CAMKK1: variants seen among roughly 807,000 people sequenced by gnomAD.
CAMKK1 encodes calcium/calmodulin-dependent protein kinase kinase 1.
CAMKK1 carries 20 observed loss-of-function variants against 63.5 expected under a neutral mutation model. The ratio of observed to expected loss-of-function variants is 0.32; its 90% CI spans 0.22 to 0.46. The LOEUF (loss-of-function observed/expected upper bound fraction) is 0.46. Among genes scored for constraint, CAMKK1 ranks in the 20% least tolerant of loss-of-function variants. The pLI, the probability that CAMKK1 is intolerant of heterozygous loss-of-function variation, is 1.00. For missense variants in CAMKK1, 588 were observed against 658.1 expected (o/e 0.89, Z 1.17); for synonymous variants, 253 against 269.0 (o/e 0.94, Z 0.58).
chr17:3,880,558 T>C, intron 8 of CAMKK1, 124 bp from the exon 9 acceptor site: 1 of 664,072 alleles, frequency 1.5e-6, no homozygotes, highest in Non-Finnish European at 2.7e-6. Context: ...TATTAGCTTT[T>C]TCTGCTACAT....
At chr17:3,873,027 C>T (rs756174864) in intron 11 of CAMKK1, among the ~76,000 whole-genome samples, 43 of 152,332 alleles carry the variant, frequency 2.8e-4, no homozygotes, top group Middle Eastern at 3.4e-3. Context: ...GATACGTCAG[C>T]GTTGGGTGTC....
intron 9 of CAMKK1, 166 bp downstream of exon 9, chr17:3,880,180 A>G (rs1013393920): frequency 3.6e-6 from 2 of 558,808 alleles, no homozygotes; most frequent in Admixed American, 2.9e-5. Context: ...CCCACCCCAC[A>G]AAAAGGCCTT....
chr17:3,868,182 A>C (rs559205104), intron 14 of CAMKK1, among the ~76,000 whole-genome samples: 6 of 3,462 alleles, frequency 1.7e-3, no homozygotes, highest in East Asian at 0.028. Flanking sequence ...CTGGGGGAGA[A>C]GCAGGCGCCG....
chr17:3,891,822 G>T (rs538374219), intron 1 of CAMKK1, among the ~76,000 whole-genome samples: 6 of 152,144 alleles, frequency 3.9e-5, no homozygotes, highest in Non-Finnish European at 8.8e-5. Flanking sequence ...TGGTTTGGGG[G>T]TGGGGAGAGC....
chr17:3,869,844 A>G lies in CAMKK1; in HGVS notation c.1169T>C (p.Leu390Ser). The change falls in exon 13 of 16, where the codon TTA becomes TCA. Residue 390 changes from leucine to serine, a missense_variant. By Grantham distance (145) the Leu-to-Ser change is moderately radical (BLOSUM62 -2). This residue lies in a region of CAMKK1 where 226 missense variants were observed against 229.2 expected (regional missense o/e 0.99). Coordinates refer to ENST00000348335, the MANE Select transcript of CAMKK1 (RefSeq NM_032294.3). Reference protein sequence around the residue: ...EELKDLILKMLDKNPETRIGV... With the variant: ...EELKDLILKMSDKNPETRIGV... ...AATTCTCGTCTCGGGATTCTTGTCT[A>G]ACATCTTCAGGATCAGGTCCTTGAG... 6.2e-7 allele frequency: 1 copy of G among 1,614,200 alleles called. No individual in the cohort carries two copies. Among genetic ancestry groups the G allele is most frequent in the Non-Finnish European group, 8.5e-7 (1 of 1,180,038 alleles).
rs2055477561 is a variant in CAMKK1, at chr17:3,882,913, C to T, written c.648+129G>A. 2 of 1,253,704 alleles carry T rather than the reference C, an allele frequency of 1.6e-6. No homozygotes were observed. Among genetic ancestry groups the T allele is most frequent in the Admixed American group, 2.2e-5 (1 of 45,166 alleles). 77.7% of individuals were successfully genotyped at this position (1,253,704 alleles called of 1,614,324 possible). A position where few individuals can be genotyped will look rare whatever the true frequency, so the allele number is the denominator to read the frequency against. On this transcript the variant is annotated intron_variant, in intron 6 of 15. Coordinates refer to ENST00000348335, the MANE Select transcript of CAMKK1 (RefSeq NM_032294.3). This position sits in a 1 kb window ranked among gnomAD's most constrained non-coding sequence, Gnocchi z 4.3. ...GCCCCACCCCAAGTCTGGCCCTGTCCTCAGAGGCCTCAGCCACATCTGCCA... is the reference window on the plus strand; with the variant it reads ...GCCCCACCCCAAGTCTGGCCCTGTCTTCAGAGGCCTCAGCCACATCTGCCA...
Position 3,882,445 on chromosome 17 carries a change from C to T in CAMKK1, c.685+83G>A, listed in dbSNP as rs115712930. The T allele has an allele frequency of 1.5e-3, 2,373 of 1,584,766 alleles. 29 individuals carry two copies. In the African/African-American group the frequency reaches 0.026, roughly 18 times the overall value. On this transcript the variant is annotated intron_variant, in intron 7 of 15. Transcript: ENST00000348335. This position sits in a 1 kb window ranked among gnomAD's most constrained non-coding sequence, Gnocchi z 4.3. ...CAGGAGGTCAGTGCATTTACACCGC[C>T]CACCTGAAGGTCATACATGTCCCAA... is the stretch of plus-strand genomic sequence containing the variant.
rs2055575318 is a variant in CAMKK1, at chr17:3,884,872, G to C, written c.361-445C>G. ...GAAAGCTCAGCCCCTGACATCTGTA[G>C]ACTGCTTGGAACCTGAGTTCACTTT... On this transcript the variant is annotated intron_variant, in intron 2 of 15. Coordinates refer to ENST00000348335, the MANE Select transcript of CAMKK1 (RefSeq NM_032294.3). The surrounding 1 kb of genome is among the most constrained non-coding windows in gnomAD (Gnocchi z 4.5). Among the ~76,000 whole-genome samples the C allele has an allele frequency of 1.3e-5, 2 of 152,204 alleles. No homozygotes were observed. The highest frequency in any genetic ancestry group is 1.3e-4 in the Admixed American group (2 of 15,280).
chr17:3,880,293 G>A lies in CAMKK1; in HGVS notation c.796+53C>T, dbSNP rs140888315. 5,633 of 1,485,254 alleles carry A rather than the reference G, an allele frequency of 3.8e-3. 19 individuals carry two copies. Among genetic ancestry groups the A allele is most frequent in the Non-Finnish European group, 4.6e-3 (4,951 of 1,068,156 alleles). 92.0% of individuals were successfully genotyped at this position (1,485,254 alleles called of 1,614,324 possible). A position where few individuals can be genotyped will look rare whatever the true frequency, so the allele number is the denominator to read the frequency against. ...GAGTCTGCTCAGCCTGGGCTCTGCC[G>A]CCTGCCAGATCCCCTAGCCCCAGCC... On this transcript the variant is annotated intron_variant, in intron 9 of 15. Transcript: ENST00000348335.
rs150547431 is a variant in CAMKK1, at chr17:3,873,379, C to A, written c.1050+30G>T. On this transcript the variant is annotated intron_variant, in intron 11 of 15. Transcript: ENST00000348335. ...CCCGTGCCCGCCTCACTGGACCCGC[C>A]CCAGCTCTGCTGGCATCCCTGGCAC... The A allele has an allele frequency of 3.0e-3, 4,852 of 1,611,396 alleles. 21 individuals carry two copies. The highest frequency in any genetic ancestry group is 3.3e-3 in the Admixed American group (198 of 60,012).
chr17:3,873,832 C>T (rs932107882), intron 10 of CAMKK1, among the ~76,000 whole-genome samples: 2 of 152,124 alleles, frequency 1.3e-5, no homozygotes, highest in African/African-American at 4.8e-5. Flanking sequence ...TAAACCAGCT[C>T]GGGCTTCAAG....
intron 14 of CAMKK1, among the ~76,000 whole-genome samples, chr17:3,866,813 C>T (rs948785150): frequency 3.3e-5 from 5 of 152,172 alleles, no homozygotes; most frequent in South Asian, 4.1e-4. Flanking sequence ...TCTGCCTCCC[C>T]GCTTCAAATG....
At position 3,887,909 on chromosome 17, in the gene CAMKK1, G is replaced by A. The variant is rs905987916; in HGVS notation, c.-43-2179C>T. 7.2e-5 allele frequency among the ~76,000 whole-genome samples: 11 copies of A among 151,950 alleles called. No homozygotes were observed. The highest frequency in any genetic ancestry group is 6.6e-4 in the Admixed American group (10 of 15,266). On this transcript the variant is annotated intron_variant, in intron 1 of 15. Coordinates refer to ENST00000348335, the MANE Select transcript of CAMKK1 (RefSeq NM_032294.3). This position sits in a 1 kb window ranked among gnomAD's most constrained non-coding sequence, Gnocchi z 6.1. ...TCCGCATGCCTTGTTTTTCCCTCCC[G>A]AATGTAAGTTTCATGAGATTAGGAC...
chr17:3,882,580 A>C lies in CAMKK1; in HGVS notation c.649-16T>G. ...CATCCAGGACCTGGTCAGAGGGAGC[A>C]GACATGGGGGTGGGGCTTGAGGAGG... On this transcript the variant is annotated splice_polypyrimidine_tract_variant and intron_variant, in intron 6 of 15. Transcript: ENST00000348335. This position sits in a 1 kb window ranked among gnomAD's most constrained non-coding sequence, Gnocchi z 4.3. 6.3e-7 allele frequency: 1 copy of C among 1,589,462 alleles called. No individual in the cohort carries two copies. The highest frequency in any genetic ancestry group is 8.6e-7 in the Non-Finnish European group (1 of 1,167,810).
Position 3,860,354 on chromosome 17 carries a change from T to G in CAMKK1, c.*1857A>C, listed in dbSNP as rs539791042. 1 of 152,732 alleles carries G rather than the reference T, an allele frequency of 6.5e-6. No homozygotes were observed. The highest frequency in any genetic ancestry group is 2.4e-5 in the African/African-American group (1 of 41,572). The allele number at this position is 152,732 out of a possible 1,614,324, so 9.5% of individuals were successfully genotyped here. A position where few individuals can be genotyped will look rare whatever the true frequency, so the allele number is the denominator to read the frequency against. On this transcript the variant is annotated 3_prime_UTR_variant, in exon 16 of 16. Coordinates refer to ENST00000348335, the MANE Select transcript of CAMKK1 (RefSeq NM_032294.3). ...TTAACTCAAGAAAGGGCTTTTATTGTTTTTAACTCACTTCCTGGGAAGTTA... is the reference window on the plus strand; with the variant it reads ...TTAACTCAAGAAAGGGCTTTTATTGGTTTTAACTCACTTCCTGGGAAGTTA...
Position 3,884,334 on chromosome 17 carries a change from C to T in CAMKK1, c.408+46G>A, listed in dbSNP as rs762062516. On this transcript the variant is annotated intron_variant, in intron 3 of 15. Coordinates refer to ENST00000348335, the MANE Select transcript of CAMKK1 (RefSeq NM_032294.3). This position sits in a 1 kb window ranked among gnomAD's most constrained non-coding sequence, Gnocchi z 4.5. ...ACACGAGAGAAGGAGCAGCGCCAAA[C>T]AGAGAATCCCGAAGCCCCCACTGCT... is the stretch of plus-strand genomic sequence containing the variant. 1 of 1,600,738 alleles carries T rather than the reference C, an allele frequency of 6.2e-7. No homozygotes were observed. Among genetic ancestry groups the T allele is most frequent in the Non-Finnish European group, 8.6e-7 (1 of 1,168,190 alleles).
intron 14 of CAMKK1, among the ~76,000 whole-genome samples, chr17:3,867,003 G>T (rs1166943187): frequency 6.6e-6 from 1 of 152,234 alleles, no homozygotes; most frequent in Non-Finnish European, 1.5e-5. Flanking sequence ...TTACAGGCGT[G>T]AGCCACTGCG....
intron 12 of CAMKK1, among the ~76,000 whole-genome samples, chr17:3,871,610 C>T (rs1191209193): frequency 2.7e-5 from 4 of 149,584 alleles, no homozygotes; most frequent in Non-Finnish European, 5.9e-5. Flanking sequence ...CCCTCCTTGG[C>T]CTCCCAAAGT....
rs1462970447 is a variant in CAMKK1 at position 3,882,764 on chromosome 17, A to C, written c.649-200T>G. Among the ~76,000 whole-genome samples, 1 of 152,074 alleles carries C rather than the reference A, an allele frequency of 6.6e-6. No homozygotes were observed. On this transcript the variant is annotated intron_variant, in intron 6 of 15. Transcript: ENST00000348335. This position sits in a 1 kb window ranked among gnomAD's most constrained non-coding sequence, Gnocchi z 4.3. The stretch of plus-strand genomic sequence containing the variant: ...CCCCCAACCTGGCCCGCCACACGAC[A>C]TCCAGCCTTCCTCCCCTCCAGCTGC...
Sources: gnomAD v4.1 joint callset for allele counts (sites outside exome capture counted in the v4.1 genomes callset) on GRCh38, gnomAD v4.1.1 for gene constraint, gnomAD v4.1.1 regional missense constraint, Gnocchi (gnomAD v3.1) non-coding constraint, MANE v1.5 for transcripts, NCBI Gene and HGNC (gene_info 2026-07-23, HGNC 2026-07-21) for gene names.